MED22: variants seen among roughly 807,000 people sequenced by gnomAD.
The protein encoded by MED22 is mediator complex subunit 22.
Under a neutral mutation model 22.7 loss-of-function variants are expected in MED22, and 22 were observed. That is an observed-to-expected ratio of 0.97 (90% CI 0.69 to 1.38). The LOEUF (loss-of-function observed/expected upper bound fraction) is 1.38, where lower values mean the gene tolerates loss of function less well. Ranked by LOEUF, MED22 falls within the 40% of genes most tolerant of loss-of-function variation. MED22 has a pLI of 0.00. For missense variants in MED22, 247 were observed against 263.0 expected, an observed-to-expected ratio of 0.94 and a Z score of 0.42; for synonymous variants, 134 against 119.4, an observed-to-expected ratio of 1.12 and a Z score of -0.80.
In MED22 at chr9:133,346,624, C is replaced by T. The variant is rs1311209612; in HGVS notation, c.39G>A (p.Thr13=). The T allele has an allele frequency of 1.9e-6, 3 of 1,612,700 alleles. No individual in the cohort carries two copies. Among genetic ancestry groups the T allele is most frequent in the South Asian group, 1.1e-5 (1 of 91,076 alleles). Residue 13 remains threonine, a synonymous_variant, in exon 2 of 5, where the codon ACG becomes ACA. Transcript: ENST00000343730. ...GCCGCTTGTTGTAGGACTGCAGCAG[C>T]GTCTCCTTGCTCTGGGGCAGGGCTC... is the stretch of plus-strand genomic sequence containing the variant. ...QQRALPQSKE[T]LLQSYNKRLK...
intron 1 of MED22, 41 bp from the exon 2 acceptor site, chr9:133,346,741 C>T: frequency 1.3e-6 from 2 of 1,537,282 alleles, no homozygotes. Context: ...GCAGAGTCTA[C>T]CCCAGCCACC....
intron 3 of MED22, among the ~76,000 whole-genome samples, chr9:133,344,618 A>G (rs1290924469): frequency 6.6e-6 from 1 of 152,202 alleles, no homozygotes; most frequent in Non-Finnish European, 1.5e-5. Context: ...CTGCTCATGA[A>G]AAACTCAAAC....
At chr9:133,342,835 C>T (rs1406817372) in intron 4 of MED22, 2 of 985,534 alleles carry the variant, frequency 2.0e-6, no homozygotes, top group Non-Finnish European at 2.4e-6. Flanking sequence ...CCCTGCTCTG[C>T]TGCAGGGCCG....
In MED22 at chr9:133,338,891, G is replaced by T; in HGVS notation, c.*2614C>A. ...CTGGGCCTGACCTGGTCCTGTTTTA[G>T]ATTTTAAGACTCCAAAATAACAACC... is the stretch of plus-strand genomic sequence containing the variant. On this transcript the variant is annotated 3_prime_UTR_variant, in exon 5 of 5. Coordinates refer to ENST00000343730, the MANE Select transcript of MED22 (RefSeq NM_133640.5). 2.1e-6 allele frequency: 1 copy of T among 487,070 alleles called. No individual in the cohort carries two copies. The highest frequency in any genetic ancestry group is 1.6e-5 in the South Asian group (1 of 64,346). 30.2% of individuals were successfully genotyped at this position (487,070 alleles called of 1,614,324 possible).
intron 4 of MED22, chr9:133,343,355 G>A: frequency 8.1e-7 from 1 of 1,230,326 alleles, no homozygotes; most frequent in Non-Finnish European, 1.0e-6. Flanking sequence ...AGGCCTCCCT[G>A]TCTCCAGCCT....
Position 133,338,948 on chromosome 9 carries a change from A to T in MED22, c.*2557T>A. The T allele has an allele frequency of 1.6e-6, 1 of 637,296 alleles. No homozygotes were observed. The highest frequency in any genetic ancestry group is 3.0e-6 in the Non-Finnish European group (1 of 337,920). The allele number at this position is 637,296 out of a possible 1,614,324, so 39.5% of individuals were successfully genotyped here. A position where few individuals can be genotyped will look rare whatever the true frequency, so the allele number is the denominator to read the frequency against. ...AACACACAATAAAAACAGGCATAAAAGCCTTTCAGCTGGAACCGCCACCTT... is the reference window on the plus strand; with the variant it reads ...AACACACAATAAAAACAGGCATAAATGCCTTTCAGCTGGAACCGCCACCTT... On this transcript the variant is annotated 3_prime_UTR_variant, in exon 5 of 5. Transcript: ENST00000343730.
intron 4 of MED22, chr9:133,342,568 G>A (rs1268232550): frequency 3.0e-6 from 3 of 986,650 alleles, no homozygotes; most frequent in Non-Finnish European, 3.6e-6. Flanking sequence ...GGGCAGGGCA[G>A]GGAGCGGAGC....
rs1835944726 is a variant in MED22, at chr9:133,338,737, C to T, written c.*2768G>A. 2 of 313,730 alleles carry T rather than the reference C, an allele frequency of 6.4e-6. No homozygotes were observed. Among genetic ancestry groups the T allele is most frequent in the East Asian group, 7.9e-5 (1 of 12,664 alleles). 19.4% of individuals were successfully genotyped at this position (313,730 alleles called of 1,614,324 possible). A position where few individuals can be genotyped will look rare whatever the true frequency, so the allele number is the denominator to read the frequency against. On this transcript the variant is annotated 3_prime_UTR_variant, in exon 5 of 5. Coordinates refer to ENST00000343730, the MANE Select transcript of MED22 (RefSeq NM_133640.5). ...GGTTGCAGGCGTAAGCCACCGCGCC[C>T]GGCCGATTTCTATACTTTTTAGTAG...
chr9:133,342,010 G>A (rs1836020012), intron 4 of MED22: 1 of 1,148,082 alleles, frequency 8.7e-7, no homozygotes, highest in Non-Finnish European at 1.1e-6. Flanking sequence ...CCTCCCAGCT[G>A]GTGCTGGTCC....
At chr9:133,342,572 GC>G in intron 4 of MED22, 1 of 984,738 alleles carries the variant, frequency 1.0e-6, no homozygotes, top group African/African-American at 1.8e-5. Context: ...AGGGCAGGGA[GC>G]GGAGCGCCCT....
chr9:133,342,208 C>G (rs1291895619), intron 4 of MED22: 1 of 987,450 alleles, frequency 1.0e-6, no homozygotes, highest in Non-Finnish European at 1.2e-6. Flanking sequence ...TTCCCGATAG[C>G]CCTACATCAG....
intron 4 of MED22, chr9:133,343,066 A>G: frequency 5.0e-6 from 5 of 992,570 alleles, no homozygotes; most frequent in Non-Finnish European, 6.0e-6. Flanking sequence ...CTGCTGAGTT[A>G]ATGAGTACTG....
At chr9:133,343,757 TATGG>T (rs1836084469) in intron 4 of MED22, 2 of 1,326,008 alleles carry the variant, frequency 1.5e-6, no homozygotes, top group Non-Finnish European at 1.9e-6. Flanking sequence ...AATCTCTACA[TATGG>T]ATTCAGAAGG....
At position 133,341,386 on chromosome 9, in the gene MED22, T is replaced by C; in HGVS notation, c.*119A>G. On this transcript the variant is annotated 3_prime_UTR_variant, in exon 5 of 5. Coordinates refer to ENST00000343730, the MANE Select transcript of MED22 (RefSeq NM_133640.5). The stretch of plus-strand genomic sequence containing the variant: ...AACGGGCTTCCCAAGGAAGTCCTAG[T>C]GGCTCTGGGGTCCTGAAGTCCCCAA... 1 of 1,138,794 alleles carries C rather than the reference T, an allele frequency of 8.8e-7. No homozygotes were observed. Among genetic ancestry groups the C allele is most frequent in the Non-Finnish European group, 1.2e-6 (1 of 853,426 alleles). The allele number at this position is 1,138,794 out of a possible 1,614,324, so 70.5% of individuals were successfully genotyped here. A position where few individuals can be genotyped will look rare whatever the true frequency, so the allele number is the denominator to read the frequency against.
Position 133,339,338 on chromosome 9 carries a change from A to C in MED22, c.*2167T>G. On this transcript the variant is annotated 3_prime_UTR_variant, in exon 5 of 5. Coordinates refer to ENST00000343730, the MANE Select transcript of MED22 (RefSeq NM_133640.5). ...AGGAAAATGATCAGAAAAAGAGGGA[A>C]GCCAAAGAGAAAGGTACCTGGATTC... is the stretch of plus-strand genomic sequence containing the variant. 1 of 717,680 alleles carries C rather than the reference A, an allele frequency of 1.4e-6. No homozygotes were observed. The highest frequency in any genetic ancestry group is 2.6e-6 in the Non-Finnish European group (1 of 383,686). 44.5% of individuals were successfully genotyped at this position (717,680 alleles called of 1,614,324 possible).
chr9:133,342,524 G>A (rs1360126585), intron 4 of MED22: 10 of 986,582 alleles, frequency 1.0e-5, no homozygotes, highest in East Asian at 1.1e-4. Flanking sequence ...GGGGGCAGGC[G>A]AGCACAGAGG....
At chr9:133,343,353 C>T in intron 4 of MED22, 1 of 1,230,620 alleles carries the variant, frequency 8.1e-7, no homozygotes, top group Non-Finnish European at 1.0e-6. Context: ...GAAGGCCTCC[C>T]TGTCTCCAGC....
chr9:133,341,722 G>C (rs2129950602), intron 4 of MED22, 28 bp from the exon 5 acceptor site: 24 of 1,597,186 alleles, frequency 1.5e-5, no homozygotes, highest in Non-Finnish European at 2.0e-5. Context: ...ACCCCAGGGA[G>C]AGACAGGAGC....
rs1835970371 is a variant in MED22, at chr9:133,340,254, C to T, written c.*1251G>A. The stretch of plus-strand genomic sequence containing the variant: ...AGAGCCAGGACTGGGCCTCAAGCTC[C>T]TGTCTGTCTGGTGCCTTCTGCTTGG... On this transcript the variant is annotated 3_prime_UTR_variant, in exon 5 of 5. Coordinates refer to ENST00000343730, the MANE Select transcript of MED22 (RefSeq NM_133640.5). 6.6e-6 allele frequency: 1 copy of T among 152,188 alleles called. No homozygotes were observed. The highest frequency in any genetic ancestry group is 2.4e-5 in the African/African-American group (1 of 41,400). The allele number at this position is 152,188 out of a possible 1,614,324, so 9.4% of individuals were successfully genotyped here.
Sources: allele counts gnomAD v4.1 joint callset (sites outside exome capture counted in the v4.1 genomes callset), GRCh38; gene constraint gnomAD v4.1.1; transcripts MANE v1.5; gene names NCBI Gene and HGNC (gene_info 2026-07-23, HGNC 2026-07-21).